Variants in SLC25A48 observed in about 807,000 individuals in gnomAD.
SLC25A48 encodes solute carrier family 25 member 48, also known as CTC-321K16.1.
SLC25A48 carries 29 observed loss-of-function variants against 32.2 expected under a neutral mutation model. The ratio of observed to expected loss-of-function variants is 0.90; its 90% CI spans 0.67 to 1.23. SLC25A48 has a LOEUF of 1.23. SLC25A48 is among the 50% of genes most tolerant of loss of function. The pLI, the probability that SLC25A48 is intolerant of heterozygous loss-of-function variation, is 0.00. For synonymous variants in SLC25A48, 164 were observed against 172.3 expected, an observed-to-expected ratio of 0.95 and a Z score of 0.38; for missense variants, 399 against 422.7, an observed-to-expected ratio of 0.94 and a Z score of 0.49.
intron 3 of SLC25A48, among the ~76,000 whole-genome samples, chr5:135,775,320 A>G (rs1362137073): frequency 2.6e-5 from 4 of 151,450 alleles, no homozygotes; most frequent in African/African-American, 4.9e-5. Context: ...AGAAGATGAC[A>G]TTACTCCCAA....
At chr5:135,768,942 T>G (rs1756323316) in intron 3 of SLC25A48, among the ~76,000 whole-genome samples, 1 of 151,992 alleles carries the variant, frequency 6.6e-6, no homozygotes, top group East Asian at 1.9e-4. Flanking sequence ...GATACCACTT[T>G]GATATTGTTC....
intron 7 of SLC25A48, among the ~76,000 whole-genome samples, chr5:135,885,800 T>C (rs961466894): frequency 6.6e-6 from 1 of 152,184 alleles, no homozygotes; most frequent in Non-Finnish European, 1.5e-5. Context: ...TGCCTATCAA[T>C]AGAAGAGGGG....
intron 3 of SLC25A48, among the ~76,000 whole-genome samples, chr5:135,696,240 G>A (rs888477579): frequency 6.6e-6 from 1 of 152,218 alleles, no homozygotes; most frequent in Non-Finnish European, 1.5e-5. Flanking sequence ...CAGGGGATGA[G>A]CCAAAGAGGG....
At chr5:135,767,753 T>A (rs1019336175) in intron 3 of SLC25A48, among the ~76,000 whole-genome samples, 2 of 151,598 alleles carry the variant, frequency 1.3e-5, no homozygotes, top group Non-Finnish European at 2.9e-5. Context: ...ATGATATTAC[T>A]TCTAATATCG....
At chr5:135,839,512 A>T (rs1484607418) in intron 1 of SLC25A48, among the ~76,000 whole-genome samples, 2 of 152,186 alleles carry the variant, frequency 1.3e-5, no homozygotes, top group Non-Finnish European at 2.9e-5. Flanking sequence ...CAGGCTTATA[A>T]GTGGAAGGGA....
chr5:135,643,298 C>G (rs1752884051), intron 3 of SLC25A48, among the ~76,000 whole-genome samples: 1 of 152,142 alleles, frequency 6.6e-6, no homozygotes, highest in South Asian at 2.1e-4. Context: ...TGTTTTCAGC[C>G]CTTCTCAGTC....
intron 4 of SLC25A48, among the ~76,000 whole-genome samples, chr5:135,823,294 C>G (rs913867510): frequency 2.0e-5 from 3 of 152,164 alleles, no homozygotes; most frequent in Non-Finnish European, 2.9e-5. Context: ...CTGATGGGCT[C>G]TGGGTCTGGC....
intron 4 of SLC25A48, among the ~76,000 whole-genome samples, chr5:135,853,670 A>G (rs959344089): frequency 6.7e-5 from 10 of 149,306 alleles, no homozygotes; most frequent in African/African-American, 2.4e-4. Context: ...TCCTTCCTCC[A>G]TGGAAGCCTT....
rs953531955 is a variant in SLC25A48 at position 135,692,040 on chromosome 5, G to A, written c.-521+57084G>A. On this transcript the variant is annotated intron_variant, in intron 3 of 10. Coordinates refer to the SLC25A48 transcript ENST00000646290. ...TCTTTAAAAAAGAGGTAGGCAGTCC[G>A]GGCGCGGTGGCTCACACCTGTAATC... 7.9e-5 allele frequency among the ~76,000 whole-genome samples: 12 copies of A among 152,292 alleles called. 1 individual carries two copies. In the South Asian group the frequency reaches 8.3e-4, roughly 11 times the overall value.
chr5:135,865,772 C>A (rs1371126249), intron 4 of SLC25A48, among the ~76,000 whole-genome samples: 1 of 152,144 alleles, frequency 6.6e-6, no homozygotes, highest in African/African-American at 2.4e-5. Context: ...GCTGTGGGGA[C>A]CTTTTTCTAA....
chr5:135,734,483 C>A (rs1755303323), intron 3 of SLC25A48, among the ~76,000 whole-genome samples: 2 of 152,008 alleles, frequency 1.3e-5, no homozygotes, highest in Non-Finnish European at 2.9e-5. Context: ...GCAAAGGAAA[C>A]AGGCCTTTGA....
At chr5:135,638,495 G>T (rs1457442691) in intron 3 of SLC25A48, among the ~76,000 whole-genome samples, 5 of 152,200 alleles carry the variant, frequency 3.3e-5, no homozygotes, top group Non-Finnish European at 5.9e-5. Flanking sequence ...GAGTAACAAG[G>T]CTTTACAAGA....
At chr5:135,876,128 C>CTTTTTTTTT (rs1402681382) in intron 6 of SLC25A48, 40 of 47,852 alleles carry the variant, frequency 8.4e-4, no homozygotes, top group East Asian at 2.3e-3. Flanking sequence ...TTTTTTTCTT[C>CTTTTTTTTT]TTCTTTTTTT....
intron 3 of SLC25A48, among the ~76,000 whole-genome samples, chr5:135,804,728 TACTC>T (rs960295959): frequency 7.2e-5 from 11 of 151,794 alleles, no homozygotes; most frequent in South Asian, 2.1e-4. Context: ...AGAAATATAT[TACTC>T]AATATCACAG....
At chr5:135,854,220 G>A (rs1760129848) in intron 4 of SLC25A48, among the ~76,000 whole-genome samples, 2 of 152,202 alleles carry the variant, frequency 1.3e-5, no homozygotes, top group African/African-American at 4.8e-5. Flanking sequence ...AATGGTAAGT[G>A]AGCACTGGGT....
chr5:135,666,788 A>G (rs1753535709), intron 3 of SLC25A48, among the ~76,000 whole-genome samples: 1 of 152,154 alleles, frequency 6.6e-6, no homozygotes, highest in Admixed American at 6.5e-5. Flanking sequence ...AGAAAAGGAA[A>G]GCTATTTTCC....
At chr5:135,800,673 C>T (rs1757297998) in intron 3 of SLC25A48, among the ~76,000 whole-genome samples, 1 of 151,838 alleles carries the variant, frequency 6.6e-6, no homozygotes, top group Non-Finnish European at 1.5e-5. Flanking sequence ...ATCGTAAACA[C>T]CTTGAGTGTA....
At chr5:135,742,407 A>T (rs1755519821) in intron 3 of SLC25A48, 24 of 1,344,836 alleles carry the variant, frequency 1.8e-5, no homozygotes, top group Non-Finnish European at 2.0e-5. Flanking sequence ...AATAGCCATC[A>T]CGACCCTCAG....
intron 3 of SLC25A48, among the ~76,000 whole-genome samples, chr5:135,670,949 G>A (rs1044534514): frequency 6.6e-6 from 1 of 152,210 alleles, no homozygotes; most frequent in Admixed American, 6.5e-5. Flanking sequence ...CAGAAAGGGA[G>A]TTTTATGAAG....
Sources: allele counts gnomAD v4.1 joint callset (sites outside exome capture counted in the v4.1 genomes callset), GRCh38; gene constraint gnomAD v4.1.1; transcripts MANE v1.5; gene names NCBI Gene and HGNC (gene_info 2026-07-23, HGNC 2026-07-21).